The following TLE3 variants were observed in gnomAD, a reference collection of about 807,000 sequenced individuals.
TLE3 encodes TLE family member 3, transcriptional corepressor.
A neutral mutation model predicts 93.0 loss-of-function variants in TLE3; 14 were observed. The observed-to-expected ratio is 0.15, with a 90% confidence interval of 0.10 to 0.24. The LOEUF (loss-of-function observed/expected upper bound fraction) is 0.24, where lower values mean the gene tolerates loss of function less well. Ranked by LOEUF, TLE3 falls within the 10% of genes least tolerant of loss-of-function variation. TLE3 has a pLI of 1.00. For missense variants in TLE3, 693 were observed against 1,046.6 expected, an observed-to-expected ratio of 0.66 and a Z score of 4.66; for synonymous variants, 451 against 425.0, an observed-to-expected ratio of 1.06 and a Z score of -0.75.
chr15:70,058,119 C>T lies in TLE3; in HGVS notation c.1051+40G>A, dbSNP rs774656734. ...TGGCCAAGAGCAGACCCCCTCCCCCCAATCAGATTAACCCAGCCCATGGTG... is the reference window on the plus strand; with the variant it reads ...TGGCCAAGAGCAGACCCCCTCCCCCTAATCAGATTAACCCAGCCCATGGTG... On this transcript the variant is annotated intron_variant, in intron 12 of 19. Coordinates refer to ENST00000451782, the MANE Select transcript of TLE3 (RefSeq NM_001105192.3). The surrounding 1 kb of genome is among the most constrained non-coding windows in gnomAD (Gnocchi z 4.1). 1 of 1,613,592 alleles carries T rather than the reference C, an allele frequency of 6.2e-7. No homozygotes were observed. The highest frequency in any genetic ancestry group is 8.5e-7 in the Non-Finnish European group (1 of 1,179,692).
chr15:70,076,947 G>A (rs1401700898), intron 4 of TLE3, among the ~76,000 whole-genome samples: 1 of 152,044 alleles, frequency 6.6e-6, no homozygotes, highest in East Asian at 1.9e-4. Flanking sequence ...CAAACTCCTG[G>A]GCTCAAGTGA....
At position 70,054,548 on chromosome 15, in the gene TLE3, C is replaced by T. The variant is rs1275929465; in HGVS notation, c.1716G>A (p.Ser572=). The T allele has an allele frequency of 2.5e-6, 4 of 1,614,014 alleles. No individual in the cohort carries two copies. Among genetic ancestry groups the T allele is most frequent in the Non-Finnish European group, 3.4e-6 (4 of 1,179,902 alleles). Residue 572 remains serine (S), a synonymous_variant, in exon 16 of 20, where the codon TCG becomes TCA. Coordinates refer to ENST00000451782, the MANE Select transcript of TLE3 (RefSeq NM_001105192.3). ...TPRIKAELTS[S]APACYALAIS... ...TGGCCAGGGCATAACAGGCGGGAGC[C>T]GAGGACGTCAGCTCGGCCTTGATGC...
intron 3 of TLE3, 158 bp from the exon 4 acceptor site, chr15:70,094,734 T>A (rs1257121938): frequency 1.6e-6 from 1 of 615,238 alleles, no homozygotes; most frequent in Non-Finnish European, 2.9e-6. Flanking sequence ...ACAGAGCGGT[T>A]TAAGAGCTGA....
chr15:70,051,841 GA>G (rs1341801190), intron 18 of TLE3, among the ~76,000 whole-genome samples: 4 of 152,332 alleles, frequency 2.6e-5, no homozygotes, highest in Non-Finnish European at 4.4e-5. Context: ...AGACCTGGCT[GA>G]AGACAGCAGT....
intron 16 of TLE3, chr15:70,053,875 A>G (rs1412298064): frequency 6.3e-6 from 1 of 158,576 alleles, no homozygotes; most frequent in Non-Finnish European, 1.4e-5. Flanking sequence ...GAGGCCATCC[A>G]TGAACACGCT....
At chr15:70,094,415 G>A in intron 4 of TLE3, 117 bp downstream of exon 4, 1 of 791,894 alleles carries the variant, frequency 1.3e-6, no homozygotes. Context: ...ACTCTTCAAG[G>A]AGAAGGGGGA....
intron 5 of TLE3, among the ~76,000 whole-genome samples, chr15:70,075,262 ATG>A (rs2057381411): frequency 6.6e-6 from 1 of 152,240 alleles, no homozygotes; most frequent in African/African-American, 2.4e-5. Flanking sequence ...TCTGGTGAGG[ATG>A]TTGATAGTGG....
intron 4 of TLE3, among the ~76,000 whole-genome samples, chr15:70,089,330 C>A (rs2058191383): frequency 6.6e-6 from 1 of 152,220 alleles, no homozygotes; most frequent in African/African-American, 2.4e-5. Context: ...TCCGACTCCC[C>A]CGCAGAGGGA....
chr15:70,071,557 A>C (rs1338583723), intron 6 of TLE3, among the ~76,000 whole-genome samples: 1 of 152,146 alleles, frequency 6.6e-6, no homozygotes, highest in East Asian at 1.9e-4. Flanking sequence ...TTTCTCTTTG[A>C]GTTGAGTTGA....
intron 1 of TLE3, 195 bp from the exon 2 acceptor site, chr15:70,096,456 A>T (rs2058567534): frequency 8.5e-7 from 1 of 1,173,822 alleles, no homozygotes; most frequent in African/African-American, 1.5e-5. Context: ...CGGGGCTCCC[A>T]TGCCTTTCAC....
At chr15:70,082,675 GC>G (rs1392337913) in intron 4 of TLE3, among the ~76,000 whole-genome samples, 19 of 152,242 alleles carry the variant, frequency 1.2e-4, no homozygotes, top group Admixed American at 1.2e-3. Flanking sequence ...GAAAGGCCCA[GC>G]CCCCCTCAGC....
intron 4 of TLE3, among the ~76,000 whole-genome samples, chr15:70,078,568 C>T (rs1314258958): frequency 5.9e-5 from 9 of 152,334 alleles, no homozygotes; most frequent in Non-Finnish European, 1.3e-4. Context: ...CTTCATATTG[C>T]AGTGACCCCT....
chr15:70,076,430 G>A (rs1024163692), intron 4 of TLE3, among the ~76,000 whole-genome samples: 1 of 152,180 alleles, frequency 6.6e-6, no homozygotes, highest in Non-Finnish European at 1.5e-5. Flanking sequence ...TCAGAATATA[G>A]TTTGCATCCT....
chr15:70,064,904 T>TAA lies in TLE3; in HGVS notation c.578-436_578-435dup, dbSNP rs36022217. On this transcript the variant is annotated intron_variant, in intron 7 of 19. Transcript: ENST00000451782. ...ACCTGGGAGTTAAGAACTTTATTGT[T>TAA]AAAAAAAAAAAAAAAAAAAGGAATT... Among the ~76,000 whole-genome samples the TAA allele has an allele frequency of 5.6e-3, 767 of 137,932 alleles. 4 individuals carry two copies. Among genetic ancestry groups the TAA allele is most frequent in the African/African-American group, 0.015 (574 of 37,440 alleles). 90.5% of individuals were successfully genotyped at this position (137,932 alleles called of 152,430 possible). A position where few individuals can be genotyped will look rare whatever the true frequency, so the allele number is the denominator to read the frequency against.
Position 70,060,459 on chromosome 15 carries a change from C to T in TLE3, c.714+71G>A, listed in dbSNP as rs981378687. On this transcript the variant is annotated intron_variant, in intron 9 of 19. Coordinates refer to ENST00000451782, the MANE Select transcript of TLE3 (RefSeq NM_001105192.3). ...AACCACAAGAAGACCCTGGCCACAG[C>T]TTGGGCCCTGCAGACACCCCCTGCC... The T allele has an allele frequency of 3.1e-6, 5 of 1,593,638 alleles. 1 individual carries two copies. The highest frequency in any genetic ancestry group is 3.4e-6 in the Non-Finnish European group (4 of 1,169,298).
At chr15:70,072,752 T>C (rs534964598) in intron 6 of TLE3, among the ~76,000 whole-genome samples, 4 of 152,350 alleles carry the variant, frequency 2.6e-5, no homozygotes, top group African/African-American at 9.6e-5. Flanking sequence ...CAGGGTGTTA[T>C]TGACATCTAG....
intron 4 of TLE3, among the ~76,000 whole-genome samples, chr15:70,084,889 T>G (rs1412348112): frequency 6.6e-6 from 1 of 152,238 alleles, no homozygotes. Flanking sequence ...CTTCGGCCTT[T>G]CCATGTGCAA....
intron 1 of TLE3, 110 bp from the exon 2 acceptor site, chr15:70,096,371 C>G: frequency 6.7e-7 from 1 of 1,487,432 alleles, no homozygotes; most frequent in Non-Finnish European, 8.9e-7. Context: ...CACCCTCAGC[C>G]CAGAACCTTC....
At chr15:70,056,121 A>G in intron 14 of TLE3, 177 bp downstream of exon 14, 5 of 702,654 alleles carry the variant, frequency 7.1e-6, no homozygotes, top group South Asian at 6.5e-5. Context: ...GCTTGGCTAC[A>G]GTTTCCTGGG....
Sources: allele counts gnomAD v4.1 joint callset (sites outside exome capture counted in the v4.1 genomes callset), GRCh38; gene constraint gnomAD v4.1.1; non-coding constraint Gnocchi (gnomAD v3.1); transcripts MANE v1.5; gene names NCBI Gene and HGNC (gene_info 2026-07-23, HGNC 2026-07-21).